DHRS11: variants seen among roughly 807,000 people sequenced by gnomAD.
DHRS11 encodes dehydrogenase/reductase SDR family member 11.
Under a neutral mutation model 30.7 loss-of-function variants are expected in DHRS11, and 18 were observed. That is an observed-to-expected ratio of 0.59 (90% CI 0.41 to 0.87). The LOEUF is 0.87. Ranked by LOEUF, DHRS11 falls within the 40% of genes least tolerant of loss-of-function variation. The pLI, the probability that DHRS11 is intolerant of heterozygous loss-of-function variation, is 0.00. For synonymous variants in DHRS11, 123 were observed against 139.6 expected (o/e 0.88, Z 0.84); for missense variants, 300 against 349.0 (o/e 0.86, Z 1.12).
intron 2 of DHRS11, chr17:36,597,419 G>T: frequency 6.4e-6 from 1 of 157,384 alleles, no homozygotes; most frequent in Middle Eastern, 3.2e-3. Context: ...TGGGGCCAAC[G>T]GGTGGGGCAG....
At chr17:36,597,712 A>G in intron 2 of DHRS11, 2 of 201,778 alleles carry the variant, frequency 9.9e-6, no homozygotes, top group South Asian at 1.7e-4. Flanking sequence ...AGAGATTTGT[A>G]AGCCATTTTG....
chr17:36,598,555 T>C (rs1291224197), intron 3 of DHRS11: 1 of 523,700 alleles, frequency 1.9e-6, no homozygotes, highest in African/African-American at 1.9e-5. Flanking sequence ...GAGTACTATG[T>C]ACAGTGTCTG....
At chr17:36,597,283 C>T in intron 2 of DHRS11, 1 of 165,878 alleles carries the variant, frequency 6.0e-6, no homozygotes, top group Middle Eastern at 3.0e-3. Context: ...TTCCTCATGG[C>T]AGGCTCTGCC....
Position 36,598,935 on chromosome 17 carries a change from G to T in DHRS11, c.467G>T (p.Arg156Leu). ...TCCCCACCCAGCATGTCTGGCCACC[G>T]AGTGTTACCCCTGTCTGTGACCCAC... ...IININSMSGH[R>L]VLPLSVTHFY... Residue 156 changes from arginine to leucine, a missense_variant, in exon 4 of 7, where the codon CGA becomes CTA. Arg to Leu is a moderately radical substitution (Grantham distance 102). Transcript: ENST00000618403. 6.2e-7 allele frequency: 1 copy of T among 1,612,884 alleles called. No individual in the cohort carries two copies. The highest frequency in any genetic ancestry group is 1.3e-5 in the African/African-American group (1 of 74,978).
At chr17:36,594,923 G>A (rs374145123) in intron 1 of DHRS11, 48 bp from the exon 2 acceptor site, 45 of 1,596,680 alleles carry the variant, frequency 2.8e-5, no homozygotes, top group South Asian at 2.5e-4. Context: ...CTAGGGAGCC[G>A]TGGGAGTGAG....
At chr17:36,597,790 T>G in intron 2 of DHRS11, 4 of 324,292 alleles carry the variant, frequency 1.2e-5, no homozygotes, top group Non-Finnish European at 1.7e-5. Flanking sequence ...AAGAGTAGGG[T>G]ATTTGGGGGA....
At chr17:36,599,254 A>G in intron 4 of DHRS11, 1 of 828,470 alleles carries the variant, frequency 1.2e-6, no homozygotes, top group South Asian at 2.1e-5. Context: ...GCCAACGACC[A>G]GACTTAGACT....
chr17:36,594,987 G>A lies in DHRS11; in HGVS notation c.164G>A (p.Cys55Tyr). ...VGNIEELAAE[C>Y]KSAGYPGTLI... ...GTTTCATAGGAGCTGGCTGCTGAAT[G>A]TAAGAGTGCAGGCTACCCCGGGACT... The change falls in exon 2 of 7, where the codon TGT (cysteine) becomes TAT (tyrosine). Residue 55 changes from cysteine to tyrosine, a missense_variant. By Grantham distance (194) the Cys-to-Tyr change is radical. Transcript: ENST00000618403. The A allele has an allele frequency of 2.5e-6, 4 of 1,614,240 alleles. No homozygotes were observed. The Admixed American group carries it at 5.0e-5, about 20-fold the overall frequency.
chr17:36,595,239 G>A, intron 2 of DHRS11, 59 bp downstream of exon 2: 3 of 1,597,170 alleles, frequency 1.9e-6, no homozygotes, highest in Non-Finnish European at 2.6e-6. Flanking sequence ...AGGGGAGCCA[G>A]GGGTTTGTGA....
At position 36,592,184 on chromosome 17, in the gene DHRS11, C is replaced by A; in HGVS notation, c.147+28C>A. Reference sequence around the variant, plus strand: ...GAGGCCGGGCCGAGGGCGGGGACGTCGCGGGCGGGTCGTTTCCCCGGAGTC... The same window carrying A: ...GAGGCCGGGCCGAGGGCGGGGACGTAGCGGGCGGGTCGTTTCCCCGGAGTC... On this transcript the variant is annotated intron_variant, in intron 1 of 6. Coordinates refer to ENST00000618403, the MANE Select transcript of DHRS11 (RefSeq NM_024308.4). This position sits in a 1 kb window ranked among gnomAD's most constrained non-coding sequence, Gnocchi z 4.4. 1.6e-6 allele frequency: 2 copies of A among 1,259,408 alleles called. No individual in the cohort carries two copies. The highest frequency in any genetic ancestry group is 2.0e-6 in the Non-Finnish European group (2 of 1,002,704). The allele number at this position is 1,259,408 out of a possible 1,614,324, so 78.0% of individuals were successfully genotyped here.
At chr17:36,598,382 C>A in intron 3 of DHRS11, 125 bp downstream of exon 3, 2 of 864,406 alleles carry the variant, frequency 2.3e-6, no homozygotes, top group Non-Finnish European at 1.8e-6. Flanking sequence ...CTGAATGGCA[C>A]AATTATGGTG....
chr17:36,599,563 G>A lies in DHRS11; in HGVS notation c.583-108G>A, dbSNP rs567201307. 3 of 1,128,104 alleles carry A rather than the reference G, an allele frequency of 2.7e-6. No homozygotes were observed. In the South Asian group the frequency reaches 4.1e-5, roughly 15 times the overall value. The allele number at this position is 1,128,104 out of a possible 1,614,324, so 69.9% of individuals were successfully genotyped here. ...GGAGGAGGCCGCTGCCGGATATCAG[G>A]CAGCCATCACTGTGAAGCTGGGGTT... On this transcript the variant is annotated intron_variant, in intron 4 of 6. Transcript: ENST00000618403.
Position 36,600,272 on chromosome 17 carries a change from T to C in DHRS11, c.*69T>C. 1 of 1,595,448 alleles carries C rather than the reference T, an allele frequency of 6.3e-7. No individual in the cohort carries two copies. ...GCCTCCTGCCTCTGGATTTTAGGTG[T>C]TGATTTCTGGATCACGGGATACCAC... On this transcript the variant is annotated 3_prime_UTR_variant, in exon 7 of 7. Transcript: ENST00000618403.
At chr17:36,598,479 G>C (rs2074829227) in intron 3 of DHRS11, 2 of 583,660 alleles carry the variant, frequency 3.4e-6, no homozygotes, top group Admixed American at 3.2e-5. Flanking sequence ...GAAGCCTGGG[G>C]CCTCTCCTGG....
chr17:36,598,653 T>A (rs963255196), intron 3 of DHRS11: 1 of 526,986 alleles, frequency 1.9e-6, no homozygotes, highest in Non-Finnish European at 3.4e-6. Context: ...ACATACAGAT[T>A]AGATGGAGAG....
In DHRS11 at chr17:36,592,332, G is replaced by A. The variant is rs1295851502; in HGVS notation, c.147+176G>A. 2.6e-5 allele frequency among the ~76,000 whole-genome samples: 4 copies of A among 152,218 alleles called. No individual in the cohort carries two copies. The highest frequency in any genetic ancestry group is 2.6e-4 in the Admixed American group (4 of 15,288). On this transcript the variant is annotated intron_variant, in intron 1 of 6. Transcript: ENST00000618403. This position sits in a 1 kb window ranked among gnomAD's most constrained non-coding sequence, Gnocchi z 4.4. ...TTTGAAGGAGCCGTTTGCCCTGACA[G>A]CCCCTGCTCGAGTTACCGAATCTCC...
chr17:36,599,934 T>C, intron 5 of DHRS11, 38 bp from the exon 6 acceptor site: 5 of 1,610,212 alleles, frequency 3.1e-6, no homozygotes, highest in Non-Finnish European at 4.2e-6. Flanking sequence ...TTGAGTCCAT[T>C]CTGTCCTTGT....
chr17:36,595,715 G>A (rs888400685), intron 2 of DHRS11, among the ~76,000 whole-genome samples: 9 of 152,092 alleles, frequency 5.9e-5, no homozygotes, highest in Admixed American at 5.2e-4. Context: ...GAGCCACCAC[G>A]CCCGACCTGA....
Position 36,600,290 on chromosome 17 carries a change from G to A in DHRS11, c.*87G>A. On this transcript the variant is annotated 3_prime_UTR_variant, in exon 7 of 7. Coordinates refer to ENST00000618403, the MANE Select transcript of DHRS11 (RefSeq NM_024308.4). ...TTAGGTGTTGATTTCTGGATCACGG[G>A]ATACCACTTCCTGTCCACACCCCGA... is the stretch of plus-strand genomic sequence containing the variant. 2 of 1,532,212 alleles carry A rather than the reference G, an allele frequency of 1.3e-6. No individual in the cohort carries two copies. The highest frequency in any genetic ancestry group is 1.1e-5 in the South Asian group (1 of 87,860). 94.9% of individuals were successfully genotyped at this position (1,532,212 alleles called of 1,614,324 possible).
Sources: allele counts gnomAD v4.1 joint callset (sites outside exome capture counted in the v4.1 genomes callset), GRCh38; gene constraint gnomAD v4.1.1; non-coding constraint Gnocchi (gnomAD v3.1); transcripts MANE v1.5; gene names NCBI Gene and HGNC (gene_info 2026-07-23, HGNC 2026-07-21).